The following CFAP20DC variants were observed in gnomAD, a reference collection of about 807,000 sequenced individuals.
CFAP20DC encodes CFAP20 domain containing, also known as protein CFAP20DC.
Under a neutral mutation model 101.7 loss-of-function variants are expected in CFAP20DC, and 84 were observed. That is an observed-to-expected ratio of 0.83 (90% confidence interval 0.69 to 0.99). CFAP20DC has a LOEUF of 0.99. Ranked by LOEUF, CFAP20DC falls within the 50% of genes least tolerant of loss-of-function variation. The pLI is 0.00. For missense variants in CFAP20DC, 1,007 were observed against 970.3 expected (o/e 1.04, Z -0.50); for synonymous variants, 359 against 351.2 (o/e 1.02, Z -0.25).
chr3:58,760,178 C>T (rs920474566), intron 15 of CFAP20DC, among the ~76,000 whole-genome samples: 3 of 152,098 alleles, frequency 2.0e-5, no homozygotes, highest in Non-Finnish European at 2.9e-5. Flanking sequence ...ATGCAATGTT[C>T]TTCTATTTCT....
At chr3:58,884,463 A>G in intron 7 of CFAP20DC, 82 bp downstream of exon 7, 3 of 1,294,196 alleles carry the variant, frequency 2.3e-6, no homozygotes, top group South Asian at 1.3e-5. Context: ...AATGAGGTAC[A>G]GTGCCCTTTT....
chr3:58,987,364 A>T (rs569082772), intron 4 of CFAP20DC, among the ~76,000 whole-genome samples: 22 of 152,236 alleles, frequency 1.4e-4, no homozygotes, highest in Non-Finnish European at 2.8e-4. Flanking sequence ...CTTGAAATTA[A>T]TCTAAATGTA....
At position 58,859,823 on chromosome 3, in the gene CFAP20DC, TACTGTCA is replaced by T; in HGVS notation, c.1593+3728_1593+3734del. Among the ~76,000 whole-genome samples the T allele has an allele frequency of 6.6e-6, 1 of 152,258 alleles. No individual in the cohort carries two copies. Among genetic ancestry groups the T allele is most frequent in the Admixed American group, 6.5e-5 (1 of 15,288 alleles). On this transcript the variant is annotated intron_variant, in intron 12 of 16. Transcript: ENST00000482387. This position sits in a 1 kb window ranked among gnomAD's most constrained non-coding sequence, Gnocchi z 4.1. Reference sequence around the variant, plus strand: ...AGGCTACATAGAAATATAAGAAGACTACTGTCAACTAAATATTCCTTTCCACCGTGTG... The same window carrying T: ...AGGCTACATAGAAATATAAGAAGACTACTAAATATTCCTTTCCACCGTGTG...
At chr3:58,909,232 G>A (rs2083903054) in intron 6 of CFAP20DC, among the ~76,000 whole-genome samples, 1 of 152,056 alleles carries the variant, frequency 6.6e-6, no homozygotes, top group Non-Finnish European at 1.5e-5. Context: ...TCACAGTGGG[G>A]AAGGCTACAT....
At position 58,806,476 on chromosome 3, in the gene CFAP20DC, T is replaced by C. The variant is rs138626633; in HGVS notation, c.2176-20A>G. 13 of 1,581,090 alleles carry C rather than the reference T, an allele frequency of 8.2e-6. No individual in the cohort carries two copies. Among genetic ancestry groups the C allele is most frequent in the Admixed American group, 3.3e-5 (2 of 59,990 alleles). ...GACAGGCTGGAAAAGACAAAACATT[T>C]GTGAATGTTTAATCAGCACAAAGCT... On this transcript the variant is annotated intron_variant, in intron 14 of 16. Transcript: ENST00000482387.
chr3:58,803,363 T>C (rs1006638536), intron 15 of CFAP20DC, among the ~76,000 whole-genome samples: 1 of 152,218 alleles, frequency 6.6e-6, no homozygotes, highest in Non-Finnish European at 1.5e-5. Flanking sequence ...AGATGTTCAT[T>C]TATCCAACAG....
chr3:58,938,272 T>C (rs544244376), intron 4 of CFAP20DC, among the ~76,000 whole-genome samples: 84 of 152,224 alleles, frequency 5.5e-4, no homozygotes, highest in Non-Finnish European at 1.1e-3. Context: ...CAACCAGAAT[T>C]ATAATACACA....
chr3:58,981,444 T>G (rs1424863223), intron 4 of CFAP20DC, among the ~76,000 whole-genome samples: 3 of 152,158 alleles, frequency 2.0e-5, no homozygotes, highest in Non-Finnish European at 4.4e-5. Flanking sequence ...TCACACTACC[T>G]GACTTCAAAC....
chr3:58,820,205 T>C lies in CFAP20DC; in HGVS notation c.2175+11481A>G, dbSNP rs1443246327. On this transcript the variant is annotated intron_variant, in intron 14 of 16. Transcript: ENST00000482387. The stretch of plus-strand genomic sequence containing the variant: ...AATATCATACTGAATGGGAAAAAAC[T>C]GGAAGCATTCCCTTTGAAAACTGGC... 2.6e-4 allele frequency among the ~76,000 whole-genome samples: 39 copies of C among 150,614 alleles called. 1 individual carries two copies. Among genetic ancestry groups the C allele is most frequent in the Admixed American group, 1.7e-3 (26 of 15,140 alleles).
At chr3:58,942,951 G>A (rs907714694) in intron 4 of CFAP20DC, among the ~76,000 whole-genome samples, 2 of 152,312 alleles carry the variant, frequency 1.3e-5, no homozygotes. Context: ...TGAAAACAAA[G>A]CCACCAGGAA....
At chr3:58,853,244 T>C (rs1247894549) in intron 12 of CFAP20DC, among the ~76,000 whole-genome samples, 1 of 152,142 alleles carries the variant, frequency 6.6e-6, no homozygotes, top group Non-Finnish European at 1.5e-5. Flanking sequence ...AAGAAATGGA[T>C]AAATTTCTCG....
At chr3:59,035,007 G>A (rs2094070424) in intron 4 of CFAP20DC, among the ~76,000 whole-genome samples, 2 of 152,156 alleles carry the variant, frequency 1.3e-5, no homozygotes, top group African/African-American at 4.8e-5. Context: ...AGACCACAGT[G>A]CAATCAAATT....
intron 6 of CFAP20DC, among the ~76,000 whole-genome samples, chr3:58,890,163 C>T (rs1393520524): frequency 6.7e-6 from 1 of 148,286 alleles, no homozygotes; most frequent in Non-Finnish European, 1.5e-5. Context: ...CCGGACGGGG[C>T]GGCTGGCTGG....
Position 58,806,434 on chromosome 3 carries a change from T to G in CFAP20DC, c.2198A>C (p.Tyr733Ser). ...LPPPVNQGRHYQKEMNPPSPS... is the reference protein window; with the variant it reads ...LPPPVNQGRHSQKEMNPPSPS... ...AGAAGGTGGGTTCATTTCTTTCTGA[T>G]AGTGGCGACCCTGGTTGACAGGCTG... Residue 733 changes from tyrosine (Y) to serine (S), a missense_variant, in exon 15 of 17, where the codon TAT (tyrosine) becomes TCT (serine). By Grantham distance (144) the Tyr-to-Ser change is moderately radical. Transcript: ENST00000482387. The G allele has an allele frequency of 5.0e-6, 8 of 1,612,484 alleles. No individual in the cohort carries two copies. The highest frequency in any genetic ancestry group is 6.8e-6 in the Non-Finnish European group (8 of 1,178,502).
rs1486696182 is a variant in CFAP20DC, at chr3:58,912,399, G to A, written c.550+1309C>T. 6.6e-6 allele frequency among the ~76,000 whole-genome samples: 1 copy of A among 152,090 alleles called. No individual in the cohort carries two copies. Among genetic ancestry groups the A allele is most frequent in the Non-Finnish European group, 1.5e-5 (1 of 68,008 alleles). On this transcript the variant is annotated intron_variant, in intron 6 of 16. Coordinates refer to ENST00000482387, the MANE Select transcript of CFAP20DC (RefSeq NM_001394063.1). The surrounding 1 kb of genome is among the most constrained non-coding windows in gnomAD (Gnocchi z 4.4). ...ATAAGATGAGCAGCCACACTGTGGT[G>A]TGTGATCTCTTTGGAGAGCTGTTAA...
At chr3:58,925,509 G>C (rs77556354) in intron 5 of CFAP20DC, among the ~76,000 whole-genome samples, 9 of 152,158 alleles carry the variant, frequency 5.9e-5, no homozygotes, top group African/African-American at 2.2e-4. Context: ...GCAGGAACTC[G>C]ATCAATATTT....
intron 4 of CFAP20DC, chr3:59,018,083 A>G (rs1370955809): frequency 2.0e-5 from 3 of 152,098 alleles, no homozygotes; most frequent in Non-Finnish European, 4.4e-5. Flanking sequence ...CAGGGGCTAG[A>G]GTGTGATCCA....
chr3:58,977,836 C>T (rs111236318), intron 4 of CFAP20DC, among the ~76,000 whole-genome samples: 53 of 152,206 alleles, frequency 3.5e-4, no homozygotes, highest in Non-Finnish European at 4.4e-4. Context: ...TCACACCTTC[C>T]GTGTTTGTCT....
At position 58,849,019 on chromosome 3, in the gene CFAP20DC, G is replaced by C. The variant is rs566755415; in HGVS notation, c.1971+13C>G. 6.5e-7 allele frequency: 1 copy of C among 1,532,712 alleles called. No individual in the cohort carries two copies. Among genetic ancestry groups the C allele is most frequent in the Admixed American group, 2.0e-5 (1 of 50,760 alleles). The allele number at this position is 1,532,712 out of a possible 1,614,324, so 94.9% of individuals were successfully genotyped here. ...TATTGCCGGCATCTGTAAACCACAC[G>C]GGAACCACTTACAGATGCTTCGGGG... On this transcript the variant is annotated intron_variant, in intron 13 of 16. Transcript: ENST00000482387.
Sources: gnomAD v4.1 joint callset for allele counts (sites outside exome capture counted in the v4.1 genomes callset) on GRCh38, gnomAD v4.1.1 for gene constraint, Gnocchi (gnomAD v3.1) non-coding constraint, MANE v1.5 for transcripts, NCBI Gene and HGNC (gene_info 2026-07-23, HGNC 2026-07-21) for gene names.